PRKN: variants seen among roughly 807,000 people sequenced by gnomAD.
PRKN encodes E3 ubiquitin-protein ligase parkin.
In PRKN, 56 loss-of-function variants were observed where a neutral mutation model predicts 59.5. The observed-to-expected ratio is 0.94, with a 90% CI of 0.76 to 1.18. PRKN has a LOEUF of 1.18. PRKN is among the 50% of genes most tolerant of loss of function. The pLI, the probability that PRKN is intolerant of heterozygous loss-of-function variation, is 0.00. For synonymous variants in PRKN, 250 were observed against 222.1 expected (o/e 1.13, Z -1.12); for missense variants, 657 against 596.4 (o/e 1.10, Z -1.06).
At chr6:162,655,975 G>C (rs1427234417) in intron 1 of PRKN, among the ~76,000 whole-genome samples, 1 of 152,122 alleles carries the variant, frequency 6.6e-6, no homozygotes, top group African/African-American at 2.4e-5. Context: ...CCTCATTTCA[G>C]ATTAACAACC....
chr6:161,467,015 C>T lies in PRKN; in HGVS notation c.1084-80138G>A, dbSNP rs989831309. ...CGCGTCCTTATATACAAGCCAACTT[C>T]TCTCTGCAGAATGTTCTACATCCCA... On this transcript the variant is annotated intron_variant, in intron 9 of 11. Coordinates refer to ENST00000366898, the MANE Select transcript of PRKN (RefSeq NM_004562.3). This position sits in a 1 kb window ranked among gnomAD's most constrained non-coding sequence, Gnocchi z 4.3. 6.6e-6 allele frequency among the ~76,000 whole-genome samples: 1 copy of T among 152,218 alleles called. No individual in the cohort carries two copies. The highest frequency in any genetic ancestry group is 1.5e-5 in the Non-Finnish European group (1 of 68,042).
rs1024722932 is a variant in PRKN at position 161,451,782 on chromosome 6, T to C, written c.1084-64905A>G. 6.6e-6 allele frequency among the ~76,000 whole-genome samples: 1 copy of C among 152,174 alleles called. No individual in the cohort carries two copies. The highest frequency in any genetic ancestry group is 1.5e-5 in the Non-Finnish European group (1 of 68,028). ...GGCCCATGAGTGAAACTTAGAGAATTAGGGGACTGCTTTGGTCTTGGCAGA... is the reference window on the plus strand; with the variant it reads ...GGCCCATGAGTGAAACTTAGAGAATCAGGGGACTGCTTTGGTCTTGGCAGA... On this transcript the variant is annotated intron_variant, in intron 9 of 11. Transcript: ENST00000366898. The surrounding 1 kb of genome is among the most constrained non-coding windows in gnomAD (Gnocchi z 5.9).
chr6:162,548,880 C>T (rs540614226), intron 1 of PRKN, among the ~76,000 whole-genome samples: 7 of 152,068 alleles, frequency 4.6e-5, no homozygotes, highest in African/African-American at 1.4e-4. Context: ...TTCACTGGTC[C>T]GCTCACTCCC....
At chr6:161,694,106 AC>A in intron 7 of PRKN, among the ~76,000 whole-genome samples, 1 of 152,348 alleles carries the variant, frequency 6.6e-6, no homozygotes, top group East Asian at 1.9e-4. Context: ...GCTGCTTGAC[AC>A]ACGAAAGCCC....
intron 1 of PRKN, among the ~76,000 whole-genome samples, chr6:162,509,671 A>T (rs1220153302): frequency 6.6e-6 from 1 of 152,218 alleles, no homozygotes; most frequent in Non-Finnish European, 1.5e-5. Flanking sequence ...AATGTCTTAC[A>T]TTACAAAGGA....
chr6:161,645,936 C>CGTGCGTGGCGGGGG (rs1783914777), intron 7 of PRKN, among the ~76,000 whole-genome samples: 1 of 149,972 alleles, frequency 6.7e-6, no homozygotes, highest in Non-Finnish European at 1.5e-5. Context: ...ACTGCGTGTG[C>CGTGCGTGGCGGGGG]ATGCGTGGCG....
intron 4 of PRKN, among the ~76,000 whole-genome samples, chr6:162,176,386 G>A (rs562247966): frequency 5.9e-5 from 9 of 152,260 alleles, no homozygotes; most frequent in African/African-American, 1.7e-4. Flanking sequence ...ACACCGTCTC[G>A]TGGATAATAC....
chr6:161,747,692 G>C (rs1401995558), intron 7 of PRKN, among the ~76,000 whole-genome samples: 1 of 152,178 alleles, frequency 6.6e-6, no homozygotes, highest in Non-Finnish European at 1.5e-5. Context: ...GTCCCACAAG[G>C]TTACTGCAAA....
intron 7 of PRKN, among the ~76,000 whole-genome samples, chr6:161,612,894 AC>A (rs1401260281): frequency 6.6e-6 from 1 of 152,198 alleles, no homozygotes; most frequent in African/African-American, 2.4e-5. Flanking sequence ...TCAAAATATT[AC>A]TGCTCAATGA....
intron 1 of PRKN, among the ~76,000 whole-genome samples, chr6:162,560,222 T>G (rs931634356): frequency 6.6e-6 from 1 of 152,210 alleles, no homozygotes; most frequent in Non-Finnish European, 1.5e-5. Context: ...TGCATATAAG[T>G]GCAATAAAAA....
At chr6:161,814,560 T>C (rs1269814033) in intron 6 of PRKN, among the ~76,000 whole-genome samples, 1 of 152,144 alleles carries the variant, frequency 6.6e-6, no homozygotes, top group Non-Finnish European at 1.5e-5. Flanking sequence ...TGGAGTGCAA[T>C]GGCCCAATCT....
Position 161,405,389 on chromosome 6 carries a change from C to G in PRKN, c.1084-18512G>C, listed in dbSNP as rs930500457. ...GGTCAGGAGTTCGAGACCAGCCTGG[C>G]CAACATGGTGAAACCCCGTCTCTAC... On this transcript the variant is annotated intron_variant, in intron 9 of 11. Coordinates refer to ENST00000366898, the MANE Select transcript of PRKN (RefSeq NM_004562.3). This position sits in a 1 kb window ranked among gnomAD's most constrained non-coding sequence, Gnocchi z 5.1. 6.6e-6 allele frequency among the ~76,000 whole-genome samples: 1 copy of G among 151,884 alleles called. No homozygotes were observed. Among genetic ancestry groups the G allele is most frequent in the African/African-American group, 2.4e-5 (1 of 41,318 alleles).
intron 3 of PRKN, among the ~76,000 whole-genome samples, chr6:162,244,673 T>C (rs913480193): frequency 6.6e-6 from 1 of 152,074 alleles, no homozygotes; most frequent in Admixed American, 6.6e-5. Flanking sequence ...AAAAGATTTT[T>C]GGAAGAGCTT....
intron 7 of PRKN, among the ~76,000 whole-genome samples, chr6:161,651,628 G>A (rs1408685991): frequency 6.6e-6 from 1 of 152,152 alleles, no homozygotes; most frequent in African/African-American, 2.4e-5. Flanking sequence ...TGGAAGTGTG[G>A]TCAGGTTATT....
At chr6:161,824,286 A>T (rs1481762083) in intron 6 of PRKN, among the ~76,000 whole-genome samples, 1 of 152,218 alleles carries the variant, frequency 6.6e-6, no homozygotes, top group Admixed American at 6.5e-5. Context: ...CAATCATTAG[A>T]TGTGCCAAGT....
chr6:161,360,115 G>C lies in PRKN; in HGVS notation c.1258C>G (p.Arg420Gly). 6.2e-7 allele frequency: 1 copy of C among 1,613,870 alleles called. No homozygotes were observed. Among genetic ancestry groups the C allele is most frequent in the Non-Finnish European group, 8.5e-7 (1 of 1,179,762 alleles). ...TTTTTTTCCACTGGTACATGGCAGCGGGGACAGGGCTTGGTGGTTTTCTTG... is the reference window on the plus strand; with the variant it reads ...TTTTTTTCCACTGGTACATGGCAGCCGGGACAGGGCTTGGTGGTTTTCTTG... ...TIKKTTKPCP[R>G]CHVPVEKNGG... The change falls in exon 11 of 12, where the codon CGC becomes GGC. Residue 420 changes from arginine to glycine, a missense_variant. By Grantham distance (125) the Arg-to-Gly change is moderately radical. Coordinates refer to ENST00000366898, the MANE Select transcript of PRKN (RefSeq NM_004562.3). This position sits in a 1 kb window ranked among gnomAD's most constrained non-coding sequence, Gnocchi z 5.1.
intron 7 of PRKN, among the ~76,000 whole-genome samples, chr6:161,622,418 TA>T (rs771337624): frequency 6.6e-6 from 1 of 152,026 alleles, no homozygotes; most frequent in Admixed American, 6.5e-5. Context: ...CCCAGGCCCC[TA>T]AAGGAGGTTC....
intron 7 of PRKN, among the ~76,000 whole-genome samples, chr6:161,659,610 G>A (rs1295027023): frequency 6.6e-6 from 1 of 152,146 alleles, no homozygotes; most frequent in Admixed American, 6.5e-5. Flanking sequence ...GCTATGGGAA[G>A]GTGCTTGGTG....
At chr6:161,609,646 C>A (rs558152862) in intron 7 of PRKN, among the ~76,000 whole-genome samples, 13 of 152,304 alleles carry the variant, frequency 8.5e-5, no homozygotes, top group African/African-American at 3.1e-4. Context: ...AATACATGAA[C>A]TTTCCTTTAA....
Sources: allele counts gnomAD v4.1 joint callset (sites outside exome capture counted in the v4.1 genomes callset), GRCh38; gene constraint gnomAD v4.1.1; non-coding constraint Gnocchi (gnomAD v3.1); transcripts MANE v1.5; gene names NCBI Gene and HGNC (gene_info 2026-07-23, HGNC 2026-07-21).